Variants in ITCH observed in about 807,000 individuals in gnomAD.
The protein encoded by ITCH is itchy E3 ubiquitin protein ligase, also known as E3 ubiquitin-protein ligase Itchy homolog.
A neutral mutation model predicts 126.8 loss-of-function variants in ITCH; 28 were observed. That is an observed-to-expected ratio of 0.22 (90% CI 0.16 to 0.30). ITCH has a LOEUF of 0.30. Ranked by LOEUF, ITCH falls within the 10% of genes least tolerant of loss-of-function variation. ITCH has a pLI of 1.00. For synonymous variants in ITCH, 342 were observed against 340.0 expected, an observed-to-expected ratio of 1.01 and a Z score of -0.06; for missense variants, 631 against 1,032.4, an observed-to-expected ratio of 0.61 and a Z score of 5.33.
chr20:34,480,669 C>G lies in ITCH; in HGVS notation c.1889C>G (p.Pro630Arg), dbSNP rs759300326. The change falls in exon 19 of 25, where the codon CCA becomes CGA. Residue 630 changes from proline to arginine, a missense_variant. Transcript: ENST00000374864. ...TTCTATAAGCGTATCTTGAACAAAC[C>G]AGTTGGACTCAAGGATTTAGAATCT... The part of the protein sequence containing the change: ...LPFYKRILNK[P>R]VGLKDLESID... 38 of 1,611,704 alleles carry G rather than the reference C, an allele frequency of 2.4e-5. No homozygotes were observed. The Admixed American group carries it at 4.8e-4, about 21-fold the overall frequency.
chr20:34,436,578 A>G (rs1376625853), intron 7 of ITCH, among the ~76,000 whole-genome samples: 3 of 152,220 alleles, frequency 2.0e-5, no homozygotes, highest in South Asian at 2.1e-4. Flanking sequence ...CTGACTGCCA[A>G]TTACTGAGGT....
intron 8 of ITCH, among the ~76,000 whole-genome samples, chr20:34,439,006 G>T (rs1193881101): frequency 4.6e-5 from 7 of 152,028 alleles, no homozygotes. Flanking sequence ...GTTAGTAAAC[G>T]AAAACCCAAC....
intron 1 of ITCH, among the ~76,000 whole-genome samples, chr20:34,368,037 G>A (rs957021704): frequency 6.6e-6 from 1 of 152,152 alleles, no homozygotes; most frequent in African/African-American, 2.4e-5. Context: ...TTGGGAGGCT[G>A]AAGCGGGCAG....
chr20:34,444,274 T>C (rs1984147819), intron 10 of ITCH, among the ~76,000 whole-genome samples: 1 of 152,186 alleles, frequency 6.6e-6, no homozygotes, highest in African/African-American at 2.4e-5. Flanking sequence ...CTTACATATT[T>C]TGTACCCATT....
chr20:34,423,846 G>A (rs749150288), intron 6 of ITCH, among the ~76,000 whole-genome samples: 2 of 152,046 alleles, frequency 1.3e-5, no homozygotes, highest in Admixed American at 6.6e-5. Context: ...GAGGTGATTC[G>A]CCCACCTTGG....
At chr20:34,366,372 C>T (rs988143815) in intron 1 of ITCH, among the ~76,000 whole-genome samples, 28 of 152,062 alleles carry the variant, frequency 1.8e-4, no homozygotes, top group African/African-American at 6.3e-4. Context: ...AACAGGCATG[C>T]ATTAGCATGC....
At chr20:34,378,269 G>A (rs1025485135) in intron 2 of ITCH, among the ~76,000 whole-genome samples, 3 of 151,854 alleles carry the variant, frequency 2.0e-5, no homozygotes, top group African/African-American at 7.3e-5. Flanking sequence ...TCAGGAGTTC[G>A]AGAGCAGCCT....
chr20:34,439,187 G>C (rs913529500), intron 8 of ITCH, among the ~76,000 whole-genome samples: 1 of 152,204 alleles, frequency 6.6e-6, no homozygotes, highest in South Asian at 2.1e-4. Flanking sequence ...GGAATGCAGT[G>C]TAGTTAAACC....
chr20:34,465,413 AAAG>A (rs1019622533), intron 14 of ITCH, among the ~76,000 whole-genome samples: 29 of 152,140 alleles, frequency 1.9e-4, no homozygotes, highest in South Asian at 4.2e-4. Context: ...TTTCTGAAAA[AAAG>A]AAGTCATTTG....
In ITCH at chr20:34,471,777, T is replaced by TTGTGTGTGTG. The variant is rs10667439; in HGVS notation, c.1569+272_1569+281dup. On this transcript the variant is annotated intron_variant, in intron 16 of 24. Coordinates refer to ENST00000374864, the MANE Select transcript of ITCH (RefSeq NM_031483.7). ...TAAATGCATAGGTAAGATAATAGGTTTGTGTGTGTGTGTGTGTGTTTCAGG... is the reference window on the plus strand; with the variant it reads ...TAAATGCATAGGTAAGATAATAGGTTTGTGTGTGTGTGTGTGTGTGTGTGTGTGTTTCAGG... 9.3e-5 allele frequency among the ~76,000 whole-genome samples: 5 copies of TTGTGTGTGTG among 53,884 alleles called. No homozygotes were observed. In the East Asian group the frequency reaches 1.7e-3, roughly 18 times the overall value. 35.3% of individuals were successfully genotyped at this position (53,884 alleles called of 152,430 possible).
chr20:34,467,686 T>A (rs946891867), intron 14 of ITCH, among the ~76,000 whole-genome samples: 1 of 140,356 alleles, frequency 7.1e-6, no homozygotes, highest in African/African-American at 2.8e-5. Flanking sequence ...TCATTTTTTT[T>A]TTTTTTTTTT....
chr20:34,383,919 G>A (rs1198266446), intron 2 of ITCH, among the ~76,000 whole-genome samples: 1 of 138,228 alleles, frequency 7.2e-6, no homozygotes, highest in Non-Finnish European at 1.5e-5. Flanking sequence ...ATCTTGGCTC[G>A]TCGCAACCTC....
At chr20:34,476,091 A>T in intron 16 of ITCH, 1 of 992,890 alleles carries the variant, frequency 1.0e-6, no homozygotes. Context: ...CAGTGATTGC[A>T]TCTAACTTCT....
At chr20:34,500,993 C>T (rs1440407803) in intron 23 of ITCH, among the ~76,000 whole-genome samples, 2 of 152,158 alleles carry the variant, frequency 1.3e-5, no homozygotes, top group Non-Finnish European at 2.9e-5. Context: ...TCCTGTATGT[C>T]TGAAGGATGG....
chr20:34,381,395 G>T (rs1445016923), intron 2 of ITCH, among the ~76,000 whole-genome samples: 2 of 151,642 alleles, frequency 1.3e-5, no homozygotes, highest in Non-Finnish European at 1.5e-5. Context: ...TGATTCTCCT[G>T]CTGGGACTAC....
intron 7 of ITCH, among the ~76,000 whole-genome samples, chr20:34,425,872 C>T (rs187517308): frequency 8.5e-5 from 13 of 152,332 alleles, no homozygotes; most frequent in Admixed American, 6.5e-4. Flanking sequence ...CGTTGAGCGC[C>T]GGTCTCCTGG....
chr20:34,481,254 A>C (rs375373149), intron 20 of ITCH, 48 bp downstream of exon 20: 28 of 1,551,338 alleles, frequency 1.8e-5, no homozygotes, highest in Non-Finnish European at 2.3e-5. Flanking sequence ...ACTACAGCAC[A>C]TTGATAATTG....
intron 23 of ITCH, among the ~76,000 whole-genome samples, chr20:34,496,560 C>G (rs1474678604): frequency 6.6e-6 from 1 of 151,964 alleles, no homozygotes; most frequent in Non-Finnish European, 1.5e-5. Context: ...AGGCCCAGCA[C>G]TTTGGGAGGC....
chr20:34,500,812 C>CT (rs988488188), intron 23 of ITCH, among the ~76,000 whole-genome samples: 1 of 151,996 alleles, frequency 6.6e-6, no homozygotes, highest in Non-Finnish European at 1.5e-5. Context: ...AGGTTTGGTT[C>CT]TTTTTTCCCT....
Sources: gnomAD v4.1 joint callset for allele counts (sites outside exome capture counted in the v4.1 genomes callset) on GRCh38, gnomAD v4.1.1 for gene constraint, MANE v1.5 for transcripts, NCBI Gene and HGNC (gene_info 2026-07-23, HGNC 2026-07-21) for gene names.